GOLGA8M: variants seen among roughly 807,000 people sequenced by gnomAD.
GOLGA8M encodes the protein golgin A8 family member M, also known as golgin subfamily A member 8M.
Under a neutral mutation model 87.7 loss-of-function variants are expected in GOLGA8M, and 34 were observed. The ratio of observed to expected loss-of-function variants is 0.39; its 90% confidence interval spans 0.29 to 0.52. The LOEUF (loss-of-function observed/expected upper bound fraction) is 0.52, where lower values mean the gene tolerates loss of function less well. GOLGA8M is among the 20% of genes least tolerant of loss of function. The pLI is 0.80. For missense variants in GOLGA8M, 396 were observed against 682.2 expected, an observed-to-expected ratio of 0.58 and a Z score of 4.67; for synonymous variants, 138 against 250.2, an observed-to-expected ratio of 0.55 and a Z score of 4.23.
At chr15:28,713,026 T>G (rs1424517939), upstream of GOLGA8M, among the ~76,000 whole-genome samples, 1 of 150,992 alleles carries the variant, frequency 6.6e-6, no homozygotes, top group Non-Finnish European at 1.5e-5. Flanking sequence ...ACAAGAAACA[T>G]GTCTAATATC....
chr15:28,702,219 T>C lies in GOLGA8M; in HGVS notation c.1718A>G (p.His573Arg), dbSNP rs778450092. 2.5e-6 allele frequency: 4 copies of C among 1,590,928 alleles called. No homozygotes were observed. The highest frequency in any genetic ancestry group is 2.7e-5 in the African/African-American group (2 of 73,156). The change falls in exon 18 of 19, where the codon CAT becomes CGT. Residue 573 changes from histidine (H) to arginine (R), a missense_variant. Around this residue, in one of 12 missense-constraint regions of GOLGA8M, gnomAD observed 173 missense variants for 150.2 expected, o/e 1.15. Transcript: ENST00000563027. ...APQELGAADK[H>R]GDLCEVSLTS... ...CACCTGAGGGCTGTACTCACCACCA[T>C]GCTTGTCTGCAGCCCCAAGCTCCTG...
chr15:28,705,007 C>T (rs1211961422), intron 13 of GOLGA8M, 152 bp downstream of exon 13: 10 of 1,268,296 alleles, frequency 7.9e-6, no homozygotes, highest in South Asian at 1.3e-5. Context: ...AAGTCAGAGG[C>T]AGGAAGCAAG....
rs759365585 is a variant in GOLGA8M, at chr15:28,702,697, C to T, written c.1417G>A (p.Val473Met). 3.7e-6 allele frequency: 6 copies of T among 1,604,188 alleles called. 1 individual carries two copies. The highest frequency in any genetic ancestry group is 2.2e-5 in the East Asian group (1 of 44,540). ...ATGAAGCGAAGTTCTTGTTTCTTCA[C>T]AAGCTCACTCAGGTCTGCCTTCTCC... ...LEEKADLSELVKKQELRFIQY... is the reference protein window; with the variant it reads ...LEEKADLSELMKKQELRFIQY... The change falls in exon 16 of 19, where the codon GTG (valine) becomes ATG (methionine). Residue 473 changes from valine (V) to methionine (M), a missense_variant. Val to Met is a conservative substitution (Grantham distance 21). Around this residue, in one of 12 missense-constraint regions of GOLGA8M, gnomAD observed 173 missense variants for 150.2 expected, o/e 1.15. Transcript: ENST00000563027.
At chr15:28,704,905 A>C (rs1004631742) in intron 13 of GOLGA8M, 2 of 878,932 alleles carry the variant, frequency 2.3e-6, no homozygotes, top group Non-Finnish European at 3.5e-6. Context: ...CTGTTATAGC[A>C]CTGTCTCTTC....
At position 28,698,633 on chromosome 15, in the gene GOLGA8M, C is replaced by T. The variant is rs573287567; in HGVS notation, c.*3321G>A. On this transcript the variant is annotated 3_prime_UTR_variant, in exon 19 of 19. Transcript: ENST00000563027. ...TATTTTGGTTTTTAATAAACACTTGCATAGTTATATTACAACTTTGTAAAA... is the reference window on the plus strand; with the variant it reads ...TATTTTGGTTTTTAATAAACACTTGTATAGTTATATTACAACTTTGTAAAA... Among the ~76,000 whole-genome samples the T allele has an allele frequency of 3.0e-4, 44 of 147,002 alleles. 7 individuals carry two copies. The highest frequency in any genetic ancestry group is 9.8e-4 in the African/African-American group (37 of 37,760).
chr15:28,704,968 G>T (rs1306497299), intron 13 of GOLGA8M, 191 bp downstream of exon 13: 17 of 866,612 alleles, frequency 2.0e-5, no homozygotes, highest in Non-Finnish European at 2.8e-5. Flanking sequence ...GTCCAGACCT[G>T]AGAGGAGCCC....
chr15:28,704,649 C>G (rs1319254694), intron 13 of GOLGA8M, among the ~76,000 whole-genome samples: 6 of 144,156 alleles, frequency 4.2e-5, no homozygotes, highest in Admixed American at 2.2e-4. Context: ...GCAATCTCAG[C>G]TCACTGCAAC....
At chr15:28,703,559 T>A in intron 14 of GOLGA8M, 149 bp from the exon 15 acceptor site, 5 of 561,300 alleles carry the variant, frequency 8.9e-6, no homozygotes, top group Non-Finnish European at 1.5e-5. Flanking sequence ...CTTTTAAGAA[T>A]CAAGATCTTG....
intron 2 of GOLGA8M, among the ~76,000 whole-genome samples, chr15:28,709,826 CT>C (rs1345137004): frequency 1.3e-5 from 2 of 151,340 alleles, no homozygotes; most frequent in African/African-American, 4.9e-5. Context: ...CTGGCTTCCC[CT>C]TGAGACTGGG....
chr15:28,702,960 C>G, intron 15 of GOLGA8M: 13 of 974,928 alleles, frequency 1.3e-5, no homozygotes, highest in Non-Finnish European at 1.3e-5. Flanking sequence ...CCGAGGCCAC[C>G]GGGTGAGCCA....
Position 28,702,251 on chromosome 15 carries a change from T to G in GOLGA8M, c.1686A>C (p.Pro562=), listed in dbSNP as rs1269245654. The G allele has an allele frequency of 7.0e-6, 11 of 1,579,128 alleles. No individual in the cohort carries two copies. Among genetic ancestry groups the G allele is most frequent in the Non-Finnish European group, 9.4e-6 (11 of 1,171,800 alleles). ...CTGCAGCCCCAAGCTCCTGGGGAGC[T>G]GGGGCTCCTGGACCGGGCTCATCAG... ...NSADEPGPGA[P]APQELGAADK... is the part of the protein sequence containing the mutation. The change falls in exon 18 of 19, where the codon CCA becomes CCC. Residue 562 remains proline, a synonymous_variant. Coordinates refer to ENST00000563027, the MANE Select transcript of GOLGA8M (RefSeq NM_001282468.3).
upstream of GOLGA8M, among the ~76,000 whole-genome samples, chr15:28,712,817 C>T (rs2080231652): frequency 6.6e-6 from 1 of 152,208 alleles, no homozygotes; most frequent in East Asian, 1.9e-4. Flanking sequence ...TCTTTGATTA[C>T]AGTACAAAAA....
rs3925840 is a variant in GOLGA8M, at chr15:28,701,303, A to G, written c.*651T>C. Among the ~76,000 whole-genome samples the G allele has an allele frequency of 0.24, 36,357 of 149,048 alleles. 8,589 individuals carry two copies. Among genetic ancestry groups the G allele is most frequent in the East Asian group, 0.62 (2,953 of 4,800 alleles). On this transcript the variant is annotated 3_prime_UTR_variant, in exon 19 of 19. Transcript: ENST00000563027. ...TATCCTGCACATACCTGCCAGAGGA[A>G]GCCACTTTCCTCTTCTGTGAGATTT...
Position 28,702,634 on chromosome 15 carries a change from C to T in GOLGA8M, c.1469+11G>A. 1 of 1,610,188 alleles carries T rather than the reference C, an allele frequency of 6.2e-7. No individual in the cohort carries two copies. The highest frequency in any genetic ancestry group is 8.5e-7 in the Non-Finnish European group (1 of 1,179,972). On this transcript the variant is annotated intron_variant, in intron 16 of 18. Coordinates refer to ENST00000563027, the MANE Select transcript of GOLGA8M (RefSeq NM_001282468.3). ...GCAGCTCCCCCTGCCGTGCCCTGGCCTCCCACTCACTGATGGCATCTCTCT... is the reference window on the plus strand; with the variant it reads ...GCAGCTCCCCCTGCCGTGCCCTGGCTTCCCACTCACTGATGGCATCTCTCT...
At chr15:28,712,462 A>G, upstream of GOLGA8M, 5 of 1,606,762 alleles carry the variant, frequency 3.1e-6, no homozygotes, top group Non-Finnish European at 3.4e-6. Context: ...TAGAATGCGG[A>G]ATAGGGGTGT....
At chr15:28,711,713 C>G (rs2080200592) in intron 1 of GOLGA8M, 3 of 985,040 alleles carry the variant, frequency 3.0e-6, no homozygotes, top group African/African-American at 1.7e-5. Flanking sequence ...TGGGCTGTGA[C>G]ATCACAACAT....
Position 28,704,035 on chromosome 15 carries a change from C to T in GOLGA8M, c.1201-118G>A, listed in dbSNP as rs974854272. 43 of 1,546,028 alleles carry T rather than the reference C, an allele frequency of 2.8e-5. No individual in the cohort carries two copies. In the African/African-American group the frequency reaches 5.3e-4, roughly 19 times the overall value. On this transcript the variant is annotated intron_variant, in intron 13 of 18. Transcript: ENST00000563027. Reference sequence around the variant, plus strand: ...TGCAACTTTTGGCAGGCCATATCGGCCACCGCTTTGCCTCAAGCTTCCTGC... The same window carrying T: ...TGCAACTTTTGGCAGGCCATATCGGTCACCGCTTTGCCTCAAGCTTCCTGC...
chr15:28,712,271 TTTACCTTTTTCTTGG>T lies in GOLGA8M; in HGVS notation c.38_48+4del. ...TTGAGGGGCTATGACCTAGTGCGTT[TTTACCTTTTTCTTGG>T]CTGCAGCCAATTTGTTGTGTTGAGT... On this transcript the variant is annotated splice_donor_variant and splice_donor_region_variant and coding_sequence_variant and intron_variant, in exon 1 of 19. Coordinates refer to ENST00000563027, the MANE Select transcript of GOLGA8M (RefSeq NM_001282468.3). LOFTEE classifies it high-confidence loss of function. The T allele has an allele frequency of 7.0e-7, 1 of 1,426,666 alleles. No homozygotes were observed. Among genetic ancestry groups the T allele is most frequent in the East Asian group, 2.5e-5 (1 of 39,894 alleles). 88.4% of individuals were successfully genotyped at this position (1,426,666 alleles called of 1,614,324 possible). A position where few individuals can be genotyped will look rare whatever the true frequency, so the allele number is the denominator to read the frequency against.
intron 13 of GOLGA8M, 29 bp downstream of exon 13, chr15:28,705,130 G>C: frequency 1.3e-6 from 2 of 1,597,858 alleles, no homozygotes; most frequent in East Asian, 2.2e-5. Context: ...GCCCTTCTTG[G>C]ATGGGGTGGA....
Sources: gnomAD v4.1 joint callset for allele counts (sites outside exome capture counted in the v4.1 genomes callset) on GRCh38, gnomAD v4.1.1 for gene constraint, gnomAD v4.1.1 regional missense constraint, MANE v1.5 for transcripts, NCBI Gene and HGNC (gene_info 2026-07-23, HGNC 2026-07-21) for gene names.